The following SKIC3 variants were observed in gnomAD, a reference collection of about 807,000 sequenced individuals.
SKIC3 encodes superkiller complex protein 3.
the SKIC3 span, among the ~76,000 whole-genome samples, chr5:95,535,307 A>ATTTTTTTTTTTTTTTTTTTTTTTT: frequency 2.2e-5 from 2 of 91,808 alleles, no homozygotes; most frequent in Non-Finnish European, 2.1e-5. Context: ...GGTAACAGCA[A>ATTTTTTTTTTTTTTTTTTTTTTTT]TTTTTTTTTT....
the SKIC3 span, among the ~76,000 whole-genome samples, chr5:95,477,248 C>T: frequency 6.6e-6 from 1 of 152,014 alleles, no homozygotes; most frequent in Non-Finnish European, 1.5e-5. Context: ...TATAGAGAAC[C>T]CCCTATGCAC....
the SKIC3 span, chr5:95,498,304 G>T: frequency 1.3e-6 from 2 of 1,497,794 alleles, no homozygotes; most frequent in East Asian, 2.3e-5. Context: ...TATTAATAAA[G>T]TCCCAATGTC....
chr5:95,516,999 T>G, the SKIC3 span: 2 of 1,613,594 alleles, frequency 1.2e-6, no homozygotes, highest in Non-Finnish European at 8.5e-7. Flanking sequence ...CGATAATAAT[T>G]AATTCCAAGG....
the SKIC3 span, chr5:95,523,915 C>T: frequency 7.5e-7 from 1 of 1,340,176 alleles, no homozygotes; most frequent in South Asian, 1.3e-5. Flanking sequence ...GATAAATACA[C>T]AGATTAAAGA....
the SKIC3 span, among the ~76,000 whole-genome samples, chr5:95,551,900 A>C: frequency 6.6e-6 from 1 of 152,146 alleles, no homozygotes; most frequent in Non-Finnish European, 1.5e-5. Flanking sequence ...TGTCCTATCT[A>C]CTATTATTCT....
At chr5:95,488,758 T>A in the SKIC3 span, among the ~76,000 whole-genome samples, 1 of 149,152 alleles carries the variant, frequency 6.7e-6, no homozygotes, top group Non-Finnish European at 1.5e-5. Flanking sequence ...AAAGCAAACA[T>A]ACAAAAGAGG....
the SKIC3 span, among the ~76,000 whole-genome samples, chr5:95,488,103 A>G: frequency 6.6e-6 from 1 of 152,252 alleles, no homozygotes; most frequent in South Asian, 2.1e-4. Flanking sequence ...TCAGAACTTG[A>G]AGACAGATCT....
the SKIC3 span, chr5:95,525,757 G>T: frequency 8.0e-7 from 1 of 1,255,722 alleles, no homozygotes; most frequent in Non-Finnish European, 1.2e-6. Flanking sequence ...AACGAACACA[G>T]AAAAGCATGG....
At chr5:95,503,776 C>A in the SKIC3 span, 78 of 1,611,600 alleles carry the variant, frequency 4.8e-5, no homozygotes, top group Non-Finnish European at 6.4e-5. Context: ...TTAAACTCGA[C>A]TCTAAATGTG....
At chr5:95,482,748 T>A in the SKIC3 span, 1 of 1,097,350 alleles carries the variant, frequency 9.1e-7, no homozygotes. Context: ...CTTTTCTTAT[T>A]AAAGAGAAAA....
the SKIC3 span, among the ~76,000 whole-genome samples, chr5:95,547,612 A>G: frequency 2.6e-5 from 4 of 152,088 alleles, no homozygotes; most frequent in Middle Eastern, 3.2e-3. Flanking sequence ...TGATCAATTA[A>G]TAAGTGTTGA....
At chr5:95,525,661 C>G in the SKIC3 span, 1 of 1,613,994 alleles carries the variant, frequency 6.2e-7, no homozygotes, top group Non-Finnish European at 8.5e-7. Context: ...GGGATATTAT[C>G]TGCATCAGAA....
At chr5:95,504,016 A>G in the SKIC3 span, 1 of 1,474,374 alleles carries the variant, frequency 6.8e-7, no homozygotes, top group Non-Finnish European at 9.2e-7. Flanking sequence ...AGATATAATT[A>G]CACTAAGTTG....
At chr5:95,517,168 C>A in the SKIC3 span, 1 of 1,613,292 alleles carries the variant, frequency 6.2e-7, no homozygotes, top group South Asian at 1.1e-5. Context: ...TGGAGGAGCT[C>A]ATTTTTCTTT....
At chr5:95,543,393 GA>G in the SKIC3 span, 2 of 1,553,778 alleles carry the variant, frequency 1.3e-6, no homozygotes, top group Non-Finnish European at 8.9e-7. Context: ...AACAATAACA[GA>G]AAGTCTAGCA....
chr5:95,522,507 G>A, the SKIC3 span, among the ~76,000 whole-genome samples: 6 of 151,830 alleles, frequency 4.0e-5, no homozygotes, highest in African/African-American at 7.3e-5. Context: ...TTCAGAATAA[G>A]AATAAAATGC....
At chr5:95,465,168 A>T in the SKIC3 span, among the ~76,000 whole-genome samples, 1 of 151,982 alleles carries the variant, frequency 6.6e-6, no homozygotes, top group African/African-American at 2.4e-5. Flanking sequence ...GACCTCAAGT[A>T]ATCTGCTGGC....
chr5:95,495,003 T>C, the SKIC3 span: 3 of 1,613,830 alleles, frequency 1.9e-6, no homozygotes, highest in Admixed American at 1.7e-5. Flanking sequence ...CCACATTTCC[T>C]GCTACAACAC....
the SKIC3 span, chr5:95,547,293 C>CTGTGTATATTCT: frequency 1.4e-6 from 1 of 710,686 alleles, no homozygotes; most frequent in Non-Finnish European, 2.5e-6. Flanking sequence ...CTAGAATATA[C>CTGTGTATATTCT]ACAGTTTATT....
Sources: allele counts gnomAD v4.1 joint callset (sites outside exome capture counted in the v4.1 genomes callset), GRCh38; gene constraint gnomAD v4.1.1; transcripts MANE v1.5; gene names NCBI Gene and HGNC (gene_info 2026-07-23, HGNC 2026-07-21).